Variants in SASH1 observed in about 807,000 individuals in gnomAD.
SASH1 encodes SAM and SH3 domain-containing protein 1.
Under a neutral mutation model 125.2 loss-of-function variants are expected in SASH1, and 44 were observed. The observed-to-expected ratio is 0.35, with a 90% CI of 0.28 to 0.45. SASH1 has a LOEUF of 0.45. Ranked by LOEUF, SASH1 falls within the 20% of genes least tolerant of loss-of-function variation. SASH1 has a pLI of 1.00. For missense variants in SASH1, 1,426 were observed against 1,614.5 expected, an observed-to-expected ratio of 0.88 and a Z score of 2.00; for synonymous variants, 639 against 649.1, an observed-to-expected ratio of 0.98 and a Z score of 0.24.
intron 2 of SASH1, among the ~76,000 whole-genome samples, chr6:148,424,624 G>C (rs907605512): frequency 1.3e-5 from 2 of 152,098 alleles, no homozygotes; most frequent in African/African-American, 4.8e-5. Flanking sequence ...TCCTGCCTGG[G>C]CCTCCCAAAG....
chr6:148,362,082 T>TTTTG (rs544095208), intron 1 of SASH1, among the ~76,000 whole-genome samples: 3 of 150,522 alleles, frequency 2.0e-5, no homozygotes, highest in South Asian at 2.1e-4. Flanking sequence ...CCCAGCTATT[T>TTTTG]TTTGTTTGTT....
At chr6:148,249,439 TA>T in the SASH1 span, among the ~76,000 whole-genome samples, 3 of 152,122 alleles carry the variant, frequency 2.0e-5, no homozygotes, top group African/African-American at 7.2e-5. Context: ...GGCTCATGTG[TA>T]AACAGTCTGT....
chr6:148,246,531 C>T, the SASH1 span, among the ~76,000 whole-genome samples: 1 of 152,192 alleles, frequency 6.6e-6, no homozygotes, highest in Non-Finnish European at 1.5e-5. Context: ...ACTCATTTCT[C>T]ATCACTAGCT....
chr6:148,391,093 G>A (rs1783696839), intron 2 of SASH1, among the ~76,000 whole-genome samples: 2 of 151,406 alleles, frequency 1.3e-5, no homozygotes, highest in African/African-American at 4.9e-5. Context: ...AGCAAAACTA[G>A]CCCACCACTA....
At chr6:148,424,500 C>T (rs1451533709) in intron 2 of SASH1, among the ~76,000 whole-genome samples, 2 of 151,910 alleles carry the variant, frequency 1.3e-5, no homozygotes, top group Admixed American at 1.3e-4. Context: ...TCTGGGGTTA[C>T]AGGCGTGAGC....
chr6:148,211,718 A>G, the SASH1 span, among the ~76,000 whole-genome samples: 1 of 152,220 alleles, frequency 6.6e-6, no homozygotes, highest in African/African-American at 2.4e-5. Flanking sequence ...GCTAGAAATG[A>G]AGCCCCTGTG....
intron 1 of SASH1, among the ~76,000 whole-genome samples, chr6:148,357,433 C>T (rs1781987602): frequency 6.6e-6 from 1 of 152,138 alleles, no homozygotes; most frequent in African/African-American, 2.4e-5. Context: ...GGACCAGACC[C>T]AGATGGATTT....
At chr6:148,389,503 A>G (rs1783610784) in intron 1 of SASH1, among the ~76,000 whole-genome samples, 1 of 152,262 alleles carries the variant, frequency 6.6e-6, no homozygotes. Flanking sequence ...TAATGACCAT[A>G]ATAATGAATA....
At chr6:148,314,752 A>AAAAATGGT (rs1766012514) in intron 1 of SASH1, among the ~76,000 whole-genome samples, 1 of 150,252 alleles carries the variant, frequency 6.7e-6, no homozygotes, top group Non-Finnish European at 1.5e-5. Context: ...TCTATTAATG[A>AAAAATGGT]AAAATGGTAT....
chr6:148,322,732 GTC>G (rs773325585), intron 1 of SASH1, among the ~76,000 whole-genome samples: 1 of 151,788 alleles, frequency 6.6e-6, no homozygotes, highest in Non-Finnish European at 1.5e-5. Flanking sequence ...TCTAGAACCA[GTC>G]TCTCTCTCTC....
chr6:148,423,344 C>G (rs561922998), intron 2 of SASH1, among the ~76,000 whole-genome samples: 2 of 152,276 alleles, frequency 1.3e-5, no homozygotes, highest in African/African-American at 4.8e-5. Context: ...TATTGGCTTG[C>G]AATTGATTCT....
intron 1 of SASH1, among the ~76,000 whole-genome samples, chr6:148,314,852 G>T (rs1211785419): frequency 6.6e-6 from 1 of 151,324 alleles, no homozygotes; most frequent in African/African-American, 2.4e-5. Context: ...TGCCTCCTGG[G>T]TTCAAGTGAT....
intron 1 of SASH1, among the ~76,000 whole-genome samples, chr6:148,286,740 T>G (rs1485431762): frequency 6.6e-6 from 1 of 152,188 alleles, no homozygotes; most frequent in Non-Finnish European, 1.5e-5. Context: ...TAATTACCTC[T>G]TTTAAAACTC....
intron 12 of SASH1, 56 bp from the exon 13 acceptor site, chr6:148,531,470 A>AAAAC: frequency 7.2e-7 from 1 of 1,387,362 alleles, no homozygotes; most frequent in African/African-American, 1.5e-5. Flanking sequence ...TGAGAATTAC[A>AAAAC]AAACAACACC....
Position 148,549,463 on chromosome 6 carries a change from A to C in SASH1, c.*905A>C. The C allele has an allele frequency of 2.5e-6, 1 of 395,850 alleles. No individual in the cohort carries two copies. The highest frequency in any genetic ancestry group is 4.5e-6 in the Non-Finnish European group (1 of 224,170). 24.5% of individuals were successfully genotyped at this position (395,850 alleles called of 1,614,324 possible). The stretch of plus-strand genomic sequence containing the variant: ...TTCATAGTGACTGCTTTTGGTTTTA[A>C]CCAGTTTAGTATCGTTACTGTGTGG... On this transcript the variant is annotated 3_prime_UTR_variant, in exon 20 of 20. Coordinates refer to ENST00000367467, the MANE Select transcript of SASH1 (RefSeq NM_015278.5).
intron 8 of SASH1, among the ~76,000 whole-genome samples, chr6:148,494,139 A>G (rs2115239847): frequency 6.6e-6 from 1 of 152,346 alleles, no homozygotes; most frequent in Admixed American, 6.5e-5. Context: ...TTAGTGATCT[A>G]TACCTGGTAC....
At chr6:148,443,787 G>A (rs749032505) in intron 4 of SASH1, among the ~76,000 whole-genome samples, 15 of 151,964 alleles carry the variant, frequency 9.9e-5, no homozygotes, top group African/African-American at 1.9e-4. Context: ...ATGCATTGTC[G>A]CTATAGAATA....
At chr6:148,318,488 A>T (rs1161128316) in intron 1 of SASH1, among the ~76,000 whole-genome samples, 3 of 152,124 alleles carry the variant, frequency 2.0e-5, no homozygotes, top group African/African-American at 7.2e-5. Context: ...ACTGTACTGC[A>T]AACATGGCCA....
At chr6:148,332,506 CAT>C (rs1223602212) in intron 1 of SASH1, among the ~76,000 whole-genome samples, 1 of 151,992 alleles carries the variant, frequency 6.6e-6, no homozygotes, top group Non-Finnish European at 1.5e-5. Context: ...GTTCCTAAAA[CAT>C]ATGCTATTCT....
Sources: gnomAD v4.1 joint callset for allele counts (sites outside exome capture counted in the v4.1 genomes callset) on GRCh38, gnomAD v4.1.1 for gene constraint, MANE v1.5 for transcripts, NCBI Gene and HGNC (gene_info 2026-07-23, HGNC 2026-07-21) for gene names.